Variants in STXBP3 observed in about 807,000 individuals in gnomAD.
The protein encoded by STXBP3 is syntaxin binding protein 3.
STXBP3 carries 41 observed loss-of-function variants against 85.7 expected under a neutral mutation model. That is an observed-to-expected ratio of 0.48 (90% CI 0.37 to 0.62). STXBP3 has a LOEUF of 0.62. Among genes scored for constraint, STXBP3 ranks in the 20% least tolerant of loss-of-function variants. The pLI, the probability that STXBP3 is intolerant of heterozygous loss-of-function variation, is 0.00. For missense variants in STXBP3, 563 were observed against 703.1 expected, an observed-to-expected ratio of 0.80 and a Z score of 2.25; for synonymous variants, 229 against 231.7, an observed-to-expected ratio of 0.99 and a Z score of 0.10.
Position 108,796,256 on chromosome 1 carries a change from C to G in STXBP3, c.1133C>G (p.Ala378Gly). ...AAGGACCTGGCACTTGGAACTGATGCAGAAGGACAGAAGGTGAAAGATTCC... is the reference window on the plus strand; with the variant it reads ...AAGGACCTGGCACTTGGAACTGATGGAGAAGGACAGAAGGTGAAAGATTCC... Reference protein sequence around the residue: ...TEQDLALGTDAEGQKVKDSMR... With the variant: ...TEQDLALGTDGEGQKVKDSMR... The change falls in exon 14 of 19, where the codon GCA (alanine) becomes GGA (glycine). Residue 378 changes from alanine (A) to glycine (G), a missense_variant. Ala to Gly is a moderately conservative substitution (Grantham distance 60). Coordinates refer to ENST00000370008, the MANE Select transcript of STXBP3 (RefSeq NM_007269.4). The G allele has an allele frequency of 1.2e-6, 2 of 1,612,898 alleles. No homozygotes were observed. The highest frequency in any genetic ancestry group is 1.1e-5 in the South Asian group (1 of 90,726).
rs1309633921 is a variant in STXBP3, at chr1:108,809,113, A to G, written c.*236A>G. The G allele has an allele frequency of 2.7e-6, 1 of 373,940 alleles. No homozygotes were observed. The highest frequency in any genetic ancestry group is 4.8e-6 in the Non-Finnish European group (1 of 209,932). The allele number at this position is 373,940 out of a possible 1,614,324, so 23.2% of individuals were successfully genotyped here. A position where few individuals can be genotyped will look rare whatever the true frequency, so the allele number is the denominator to read the frequency against. On this transcript the variant is annotated 3_prime_UTR_variant, in exon 19 of 19. Transcript: ENST00000370008. Reference sequence around the variant, plus strand: ...AATGTTAAAGTGCTTTCTAAAAGGAAATTTTTTCACCTTTGGAGGAGAATA... The same window carrying G: ...AATGTTAAAGTGCTTTCTAAAAGGAGATTTTTTCACCTTTGGAGGAGAATA...
At chr1:108,752,159 A>G in intron 1 of STXBP3, 98 bp from the exon 2 acceptor site, 6 of 1,117,090 alleles carry the variant, frequency 5.4e-6, no homozygotes, top group Non-Finnish European at 7.8e-6. Flanking sequence ...TAGTTTAACA[A>G]ATTTCAAATT....
chr1:108,766,994 C>T (rs1662277183), intron 6 of STXBP3: 2 of 496,870 alleles, frequency 4.0e-6, no homozygotes, highest in East Asian at 5.5e-5. Context: ...CTTTGAGACC[C>T]CCTTGTGTGT....
chr1:108,760,693 A>G (rs1237399047), intron 6 of STXBP3, among the ~76,000 whole-genome samples: 1 of 152,190 alleles, frequency 6.6e-6, no homozygotes, highest in Non-Finnish European at 1.5e-5. Context: ...CAAGAAATCA[A>G]AGAGGTTAAG....
rs574365257 is a variant in STXBP3 at position 108,772,360 on chromosome 1, A to G, written c.439-305A>G. On this transcript the variant is annotated intron_variant, in intron 6 of 18. Transcript: ENST00000370008. ...ATATATAAATACATATGATATCTGTATCATATATAAATACATATGATATCT... is the reference window on the plus strand; with the variant it reads ...ATATATAAATACATATGATATCTGTGTCATATATAAATACATATGATATCT... Among the ~76,000 whole-genome samples the G allele has an allele frequency of 7.1e-3, 328 of 46,000 alleles. 74 individuals carry two copies. The highest frequency in any genetic ancestry group is 0.037 in the African/African-American group (315 of 8,594). The allele number at this position is 46,000 out of a possible 152,430, so 30.2% of individuals were successfully genotyped here.
chr1:108,808,740 A>T, intron 18 of STXBP3, 43 bp from the exon 19 acceptor site: 2 of 1,471,318 alleles, frequency 1.4e-6, no homozygotes. Context: ...AGGAAAATTG[A>T]TTTAACTGCT....
At chr1:108,803,392 A>G (rs888605031) in intron 17 of STXBP3, among the ~76,000 whole-genome samples, 2 of 152,206 alleles carry the variant, frequency 1.3e-5, no homozygotes. Flanking sequence ...TGTGCATGTG[A>G]ACCTGTTAAA....
intron 11 of STXBP3, among the ~76,000 whole-genome samples, chr1:108,793,158 T>TTTTTTTTTC (rs1491302434): frequency 8.2e-5 from 6 of 73,396 alleles, no homozygotes; most frequent in Non-Finnish European, 1.7e-4. Flanking sequence ...CTTATCTCCA[T>TTTTTTTTTC]TTTTTTTTTT....
intron 1 of STXBP3, among the ~76,000 whole-genome samples, chr1:108,749,436 C>T (rs1452971760): frequency 6.6e-6 from 1 of 152,136 alleles, no homozygotes; most frequent in Non-Finnish European, 1.5e-5. Context: ...TGAATATGGT[C>T]TCTGAGAAGA....
rs1192841710 is a variant in STXBP3, at chr1:108,752,244, C to A, written c.50-13C>A. The A allele has an allele frequency of 6.3e-7, 1 of 1,597,726 alleles. No homozygotes were observed. Among genetic ancestry groups the A allele is most frequent in the Non-Finnish European group, 8.5e-7 (1 of 1,172,118 alleles). On this transcript the variant is annotated splice_polypyrimidine_tract_variant and intron_variant, in intron 1 of 18. Coordinates refer to ENST00000370008, the MANE Select transcript of STXBP3 (RefSeq NM_007269.4). Reference sequence around the variant, plus strand: ...TATTTAATTCCTAAGTAATTCCTTTCTTTTTTAAACAGAGATAAAAGCAAC... The same window carrying A: ...TATTTAATTCCTAAGTAATTCCTTTATTTTTTAAACAGAGATAAAAGCAAC...
Position 108,808,900 on chromosome 1 carries a change from A to G in STXBP3, c.*23A>G. On this transcript the variant is annotated 3_prime_UTR_variant, in exon 19 of 19. Transcript: ENST00000370008. ...TAGCATTTCTTTTTGGAGGGTTTAG[A>G]GATTCTTACTAATATGTTGAACTAA... is the stretch of plus-strand genomic sequence containing the variant. The G allele has an allele frequency of 6.7e-7, 1 of 1,491,048 alleles. No homozygotes were observed. The highest frequency in any genetic ancestry group is 9.2e-7 in the Non-Finnish European group (1 of 1,083,966). 92.4% of individuals were successfully genotyped at this position (1,491,048 alleles called of 1,614,324 possible).
intron 8 of STXBP3, among the ~76,000 whole-genome samples, chr1:108,778,508 C>T (rs1304420678): frequency 6.6e-6 from 1 of 152,170 alleles, no homozygotes; most frequent in Non-Finnish European, 1.5e-5. Context: ...CATTCTGCCT[C>T]TTACTACCTG....
At chr1:108,795,342 G>A (rs1393948421) in intron 13 of STXBP3, among the ~76,000 whole-genome samples, 4 of 151,926 alleles carry the variant, frequency 2.6e-5, no homozygotes, top group African/African-American at 7.3e-5. Flanking sequence ...CCATGTTAAT[G>A]CAGGTAAAAA....
At chr1:108,768,612 A>G (rs1000892444) in intron 6 of STXBP3, among the ~76,000 whole-genome samples, 1 of 152,124 alleles carries the variant, frequency 6.6e-6, no homozygotes, top group Non-Finnish European at 1.5e-5. Flanking sequence ...GGTTGGGGCT[A>G]TTGTACGTAG....
intron 6 of STXBP3, among the ~76,000 whole-genome samples, chr1:108,762,697 C>T (rs1662165817): frequency 6.6e-6 from 1 of 152,074 alleles, no homozygotes; most frequent in South Asian, 2.1e-4. Context: ...AAGAACTGCT[C>T]ACTTAATATC....
At chr1:108,801,099 A>G (rs72697163) in intron 17 of STXBP3, among the ~76,000 whole-genome samples, 68 of 151,978 alleles carry the variant, frequency 4.5e-4, no homozygotes, top group Non-Finnish European at 8.4e-4. Flanking sequence ...AAAATTTGTT[A>G]TTGTACTTTC....
intron 2 of STXBP3, among the ~76,000 whole-genome samples, chr1:108,752,569 T>C (rs1661927249): frequency 6.6e-6 from 1 of 152,212 alleles, no homozygotes; most frequent in African/African-American, 2.4e-5. Context: ...ATATAGGGTC[T>C]GGAATCACAC....
At chr1:108,747,269 C>G (rs1661810367) in intron 1 of STXBP3, among the ~76,000 whole-genome samples, 1 of 151,946 alleles carries the variant, frequency 6.6e-6, no homozygotes, top group African/African-American at 2.4e-5. Context: ...TAGTATCAAC[C>G]CGTGCTTTTC....
intron 12 of STXBP3, 57 bp from the exon 13 acceptor site, chr1:108,794,770 C>T: frequency 6.8e-7 from 1 of 1,476,094 alleles, no homozygotes; most frequent in Non-Finnish European, 9.3e-7. Flanking sequence ...TTTAATATTA[C>T]CAGTTGCACA....
Sources: gnomAD v4.1 joint callset for allele counts (sites outside exome capture counted in the v4.1 genomes callset) on GRCh38, gnomAD v4.1.1 for gene constraint, MANE v1.5 for transcripts, NCBI Gene and HGNC (gene_info 2026-07-23, HGNC 2026-07-21) for gene names.